Variants in ATXN7L3 observed in about 807,000 individuals in gnomAD.
ATXN7L3 encodes ataxin 7 like 3.
A neutral mutation model predicts 50.0 loss-of-function variants in ATXN7L3; 6 were observed. The observed-to-expected ratio is 0.12, with a 90% CI of 0.07 to 0.24. The LOEUF (loss-of-function observed/expected upper bound fraction) is 0.24. Ranked by LOEUF, ATXN7L3 falls within the 10% of genes least tolerant of loss-of-function variation. The pLI is 1.00. For synonymous variants in ATXN7L3, 198 were observed against 165.8 expected (o/e 1.19, Z -1.49); for missense variants, 322 against 451.3 (o/e 0.71, Z 2.60).
In ATXN7L3 at chr17:44,196,937, T is replaced by G. The variant is rs754392832; in HGVS notation, c.446A>C (p.Glu149Ala). The change falls in exon 5 of 13, where the codon GAG (glutamate) becomes GCG (alanine). Residue 149 changes from glutamate (E) to alanine (A), a missense_variant. Physicochemically the swap from Glu to Ala is moderately radical, Grantham distance 107. Coordinates refer to ENST00000587097, the MANE Select transcript of ATXN7L3 (RefSeq NM_001382309.1). ...INDNDWSYGS[E>A]KKAKKRKSDK... ...CCCAGATCCCCAAGCACCTTTCTTCTCCGAGCCATAGGACCAGTCGTTGTC... is the reference window on the plus strand; with the variant it reads ...CCCAGATCCCCAAGCACCTTTCTTCGCCGAGCCATAGGACCAGTCGTTGTC... 6.2e-7 allele frequency: 1 copy of G among 1,612,056 alleles called. No homozygotes were observed. The highest frequency in any genetic ancestry group is 8.5e-7 in the Non-Finnish European group (1 of 1,178,674).
chr17:44,192,337 A>C lies in ATXN7L3; in HGVS notation c.*1926T>G, dbSNP rs1264778540. The C allele has an allele frequency of 6.6e-6, 1 of 152,326 alleles. No homozygotes were observed. The highest frequency in any genetic ancestry group is 1.5e-5 in the Non-Finnish European group (1 of 68,102). 9.4% of individuals were successfully genotyped at this position (152,326 alleles called of 1,614,324 possible). A position where few individuals can be genotyped will look rare whatever the true frequency, so the allele number is the denominator to read the frequency against. On this transcript the variant is annotated 3_prime_UTR_variant, in exon 13 of 13. Transcript: ENST00000587097. ...GGGCCAAGGAACAATGGGGAAGTTTATGTGGACAAACCAGTTCCCAAGCTA... is the reference window on the plus strand; with the variant it reads ...GGGCCAAGGAACAATGGGGAAGTTTCTGTGGACAAACCAGTTCCCAAGCTA...
At position 44,194,201 on chromosome 17, in the gene ATXN7L3, C is replaced by A; in HGVS notation, c.*62G>T. Reference sequence around the variant, plus strand: ...CAGCCGTCCATTTGCCAGGCTATGCCACCTGGGTGGGGGTCAGGAGAGAGG... The same window carrying A: ...CAGCCGTCCATTTGCCAGGCTATGCAACCTGGGTGGGGGTCAGGAGAGAGG... On this transcript the variant is annotated 3_prime_UTR_variant, in exon 13 of 13. Coordinates refer to ENST00000587097, the MANE Select transcript of ATXN7L3 (RefSeq NM_001382309.1). 1.3e-6 allele frequency: 2 copies of A among 1,570,372 alleles called. No individual in the cohort carries two copies. Among genetic ancestry groups the A allele is most frequent in the South Asian group, 1.2e-5 (1 of 85,150 alleles).
chr17:44,197,970 G>C (rs375280009), intron 2 of ATXN7L3, 50 bp downstream of exon 2: 8 of 1,590,812 alleles, frequency 5.0e-6, no homozygotes, highest in Non-Finnish European at 6.0e-6. Context: ...ATACAGCGAC[G>C]TAGAGACATC....
rs560101610 is a variant in ATXN7L3 at position 44,194,956 on chromosome 17, A to G, written c.666-117T>C. ...GGGGTGAATGCAGATTCATCCCCAG[A>G]TTGTGGCCAAAGGCCTCATCATTAG... On this transcript the variant is annotated intron_variant, in intron 10 of 12. Transcript: ENST00000587097. The G allele has an allele frequency of 6.8e-6, 10 of 1,481,342 alleles. No homozygotes were observed. In the Admixed American group the frequency reaches 6.9e-5, roughly 10 times the overall value. The allele number at this position is 1,481,342 out of a possible 1,614,324, so 91.8% of individuals were successfully genotyped here.
chr17:44,197,207 G>A (rs761136534), intron 4 of ATXN7L3, 21 bp downstream of exon 4: 87 of 1,580,474 alleles, frequency 5.5e-5, no homozygotes, highest in Non-Finnish European at 6.8e-5. Flanking sequence ...TGCAGAGAAC[G>A]GGCAGCTCTG....
chr17:44,194,978 T>C (rs2055830572), intron 10 of ATXN7L3, 119 bp downstream of exon 10: 2 of 1,458,272 alleles, frequency 1.4e-6, no homozygotes, highest in African/African-American at 1.4e-5. Context: ...GGCCTCATCA[T>C]TAGAGGAGGG....
Position 44,194,338 on chromosome 17 carries a change from G to C in ATXN7L3, c.969C>G (p.Gly323=). The change falls in exon 13 of 13, where the codon GGC becomes GGG. Residue 323 remains glycine, a synonymous_variant. Transcript: ENST00000587097. Reference sequence around the variant, plus strand: ...GCTTCTTCTTCTTGTTGGAACCTAGGCCGGAGGCAGTCCCTACCAGGCTCA... The same window carrying C: ...GCTTCTTCTTCTTGTTGGAACCTAGCCCGGAGGCAGTCCCTACCAGGCTCA... ...SHLSLVGTAS[G]LGSNKKKKPK... is the part of the protein sequence containing the mutation. 6.2e-7 allele frequency: 1 copy of C among 1,614,228 alleles called. No homozygotes were observed. Among genetic ancestry groups the C allele is most frequent in the African/African-American group, 1.3e-5 (1 of 75,050 alleles).
intron 5 of ATXN7L3, 41 bp from the exon 6 acceptor site, chr17:44,196,459 G>A (rs759120828): frequency 1.2e-6 from 2 of 1,613,422 alleles, no homozygotes; most frequent in Admixed American, 3.3e-5. Flanking sequence ...TTTCCGTTAA[G>A]TTCTCAATCT....
chr17:44,196,010 T>G (rs1351332364), intron 7 of ATXN7L3, 24 bp downstream of exon 7: 4 of 1,602,058 alleles, frequency 2.5e-6, no homozygotes, highest in Non-Finnish European at 3.4e-6. Flanking sequence ...CTAGAAGCAT[T>G]CCCATTGCTC....
At position 44,193,933 on chromosome 17, in the gene ATXN7L3, G is replaced by A. The variant is rs1054782770; in HGVS notation, c.*330C>T. The stretch of plus-strand genomic sequence containing the variant: ...GTCCAGTTCCTGGGGTGGGGGGCAG[G>A]CAGTGCCCTGGCACAGTGCCCAGGT... On this transcript the variant is annotated 3_prime_UTR_variant, in exon 13 of 13. Coordinates refer to ENST00000587097, the MANE Select transcript of ATXN7L3 (RefSeq NM_001382309.1). The A allele has an allele frequency of 3.8e-6, 1 of 265,156 alleles. No homozygotes were observed. Among genetic ancestry groups the A allele is most frequent in the Non-Finnish European group, 7.3e-6 (1 of 137,718 alleles). The allele number at this position is 265,156 out of a possible 1,614,324, so 16.4% of individuals were successfully genotyped here.
rs1395197611 is a variant in ATXN7L3, at chr17:44,194,045, T to C, written c.*218A>G. The C allele has an allele frequency of 1.0e-5, 6 of 579,188 alleles. No homozygotes were observed. The highest frequency in any genetic ancestry group is 3.3e-5 in the Admixed American group (1 of 30,568). 35.9% of individuals were successfully genotyped at this position (579,188 alleles called of 1,614,324 possible). ...CACCAAACTTATGTCCAAGGCATAA[T>C]ATGTCCAGGTCTGAGTCCTGCACGC... On this transcript the variant is annotated 3_prime_UTR_variant, in exon 13 of 13. Transcript: ENST00000587097.
In ATXN7L3 at chr17:44,192,221, C is replaced by T. The variant is rs1235049047; in HGVS notation, c.*2042G>A. The T allele has an allele frequency of 6.6e-6, 1 of 152,248 alleles. No homozygotes were observed. The highest frequency in any genetic ancestry group is 1.5e-5 in the Non-Finnish European group (1 of 68,072). The allele number at this position is 152,248 out of a possible 1,614,324, so 9.4% of individuals were successfully genotyped here. On this transcript the variant is annotated 3_prime_UTR_variant, in exon 13 of 13. Transcript: ENST00000587097. ...TACATGGTAGGGGGGGCACTCTCTCCCCAGAAGGAAAAGGGTTTGTTCCCT... is the reference window on the plus strand; with the variant it reads ...TACATGGTAGGGGGGGCACTCTCTCTCCAGAAGGAAAAGGGTTTGTTCCCT...
rs1389103321 is a variant in ATXN7L3 at position 44,193,821 on chromosome 17, C to T, written c.*442G>A. 2 of 186,944 alleles carry T rather than the reference C, an allele frequency of 1.1e-5. No individual in the cohort carries two copies. 11.6% of individuals were successfully genotyped at this position (186,944 alleles called of 1,614,324 possible). On this transcript the variant is annotated 3_prime_UTR_variant, in exon 13 of 13. Transcript: ENST00000587097. ...CCAAGCACCGGACCCATTCACATTGCTGAGGGCGGCCGAGGCAGGCCCCCT... is the reference window on the plus strand; with the variant it reads ...CCAAGCACCGGACCCATTCACATTGTTGAGGGCGGCCGAGGCAGGCCCCCT...
intron 5 of ATXN7L3, 144 bp downstream of exon 5, chr17:44,196,785 A>G (rs2055918038): frequency 1.7e-6 from 1 of 591,550 alleles, no homozygotes; most frequent in Non-Finnish European, 2.9e-6. Flanking sequence ...CTCAAAAAAA[A>G]AAAAAAAAAA....
chr17:44,197,815 C>A (rs1199940585), intron 2 of ATXN7L3, 85 bp from the exon 3 acceptor site: 2 of 1,587,382 alleles, frequency 1.3e-6, no homozygotes, highest in Non-Finnish European at 8.6e-7. Context: ...CAACTGGCCC[C>A]AGCCAAAAAT....
rs1391791033 is a variant in ATXN7L3 at position 44,195,121 on chromosome 17, T to G, written c.641A>C (p.Glu214Ala). 6.2e-7 allele frequency: 1 copy of G among 1,614,126 alleles called. No homozygotes were observed. Among genetic ancestry groups the G allele is most frequent in the Non-Finnish European group, 8.5e-7 (1 of 1,180,006 alleles). ...CCTTGTGCACATCTTCTTGGTGTGTTCAGAAATCACCCCACATTGCTGGAA... is the reference window on the plus strand; with the variant it reads ...CCTTGTGCACATCTTCTTGGTGTGTGCAGAAATCACCCCACATTGCTGGAA... ...LLTTQCGVIS[E>A]HTKKMCTRSL... The change falls in exon 10 of 13, where the codon GAA becomes GCA. Residue 214 changes from glutamate to alanine, a missense_variant. Transcript: ENST00000587097.
Position 44,193,172 on chromosome 17 carries a change from T to G in ATXN7L3, c.*1091A>C, listed in dbSNP as rs2055757387. The G allele has an allele frequency of 6.6e-6, 1 of 152,194 alleles. No individual in the cohort carries two copies. Among genetic ancestry groups the G allele is most frequent in the Non-Finnish European group, 1.5e-5 (1 of 68,056 alleles). The allele number at this position is 152,194 out of a possible 1,614,324, so 9.4% of individuals were successfully genotyped here. A position where few individuals can be genotyped will look rare whatever the true frequency, so the allele number is the denominator to read the frequency against. ...AGGGGGAGAGGCACAAGATTAGGAT[T>G]TTCCTCAGAGCCCCAAACCACAAGT... On this transcript the variant is annotated 3_prime_UTR_variant, in exon 13 of 13. Transcript: ENST00000587097.
chr17:44,193,553 TC>T lies in ATXN7L3; in HGVS notation c.*709del, dbSNP rs2055773822. ...CCTCTTCCTACCCTCCCTTTCCCATTCCTTGAAGCTGTAGAGGCTGGAGGCC... is the reference window on the plus strand; with the variant it reads ...CCTCTTCCTACCCTCCCTTTCCCATTCTTGAAGCTGTAGAGGCTGGAGGCC... On this transcript the variant is annotated 3_prime_UTR_variant, in exon 13 of 13. Coordinates refer to ENST00000587097, the MANE Select transcript of ATXN7L3 (RefSeq NM_001382309.1). 1 of 152,414 alleles carries T rather than the reference TC, an allele frequency of 6.6e-6. No individual in the cohort carries two copies. The highest frequency in any genetic ancestry group is 2.4e-5 in the African/African-American group (1 of 41,428). 9.4% of individuals were successfully genotyped at this position (152,414 alleles called of 1,614,324 possible).
At chr17:44,196,443 G>C in intron 5 of ATXN7L3, 25 bp from the exon 6 acceptor site, 10 of 1,613,930 alleles carry the variant, frequency 6.2e-6, no homozygotes, top group Non-Finnish European at 8.5e-6. Flanking sequence ...AGCATAAAGA[G>C]CAGGGTTTCC....
Sources: gnomAD v4.1 joint callset for allele counts on GRCh38, gnomAD v4.1.1 for gene constraint, MANE v1.5 for transcripts, NCBI Gene and HGNC (gene_info 2026-07-23, HGNC 2026-07-21) for gene names.